The following CHODL variants were observed in gnomAD, a reference collection of about 807,000 sequenced individuals.
The protein encoded by CHODL is transmembrane protein MT75.
In CHODL, 29 loss-of-function variants were observed where a neutral mutation model predicts 34.5. The ratio of observed to expected loss-of-function variants is 0.84; its 90% CI spans 0.63 to 1.15. The LOEUF is 1.15. CHODL is among the 50% of genes most tolerant of loss of function. CHODL has a pLI of 0.00. For synonymous variants in CHODL, 125 were observed against 116.1 expected (o/e 1.08, Z -0.49); for missense variants, 332 against 332.5 (o/e 1.00, Z 0.01).
intron 1 of CHODL, among the ~76,000 whole-genome samples, chr21:17,926,118 AG>A (rs1383355317): frequency 2.0e-5 from 3 of 152,200 alleles, no homozygotes; most frequent in Non-Finnish European, 2.9e-5. Flanking sequence ...CAGTTCTCAA[AG>A]ATCAGGATGA....
At chr21:18,174,143 ATATATATAT>A (rs2073272317) in intron 2 of CHODL, among the ~76,000 whole-genome samples, 1 of 120,824 alleles carries the variant, frequency 8.3e-6, no homozygotes, top group African/African-American at 2.9e-5. Context: ...ATATATATAT[ATATATATAT>A]ATATATATAA....
chr21:18,016,525 C>G (rs947163710), intron 1 of CHODL, among the ~76,000 whole-genome samples: 3 of 152,156 alleles, frequency 2.0e-5, no homozygotes, highest in Non-Finnish European at 4.4e-5. Context: ...CCTTGCTACC[C>G]TACAAAGCCT....
chr21:17,980,719 T>G (rs2063707014), intron 1 of CHODL, among the ~76,000 whole-genome samples: 1 of 152,166 alleles, frequency 6.6e-6, no homozygotes, highest in Non-Finnish European at 1.5e-5. Flanking sequence ...AACTTACAGT[T>G]AAATACTTCT....
intron 2 of CHODL, among the ~76,000 whole-genome samples, chr21:18,224,827 T>G (rs1174777491): frequency 6.6e-6 from 1 of 152,118 alleles, no homozygotes; most frequent in Non-Finnish European, 1.5e-5. Flanking sequence ...GTTTTTTTTT[T>G]CCTTCAACTT....
chr21:18,084,559 T>A (rs2064980280), intron 2 of CHODL, among the ~76,000 whole-genome samples: 1 of 152,196 alleles, frequency 6.6e-6, no homozygotes, highest in African/African-American at 2.4e-5. Flanking sequence ...TTAATTTCTA[T>A]GTATTTGTAT....
At chr21:18,153,909 G>A (rs1039582401) in intron 2 of CHODL, among the ~76,000 whole-genome samples, 1 of 152,074 alleles carries the variant, frequency 6.6e-6, no homozygotes, top group East Asian at 1.9e-4. Flanking sequence ...TTCAGGTGGG[G>A]CAGTGCAGTG....
intron 1 of CHODL, among the ~76,000 whole-genome samples, chr21:17,930,290 C>T (rs112711045): frequency 6.6e-6 from 1 of 152,142 alleles, no homozygotes; most frequent in African/African-American, 2.4e-5. Context: ...CTTTTGAAAG[C>T]CTAGCCCTCA....
intron 4 of CHODL, 71 bp from the exon 5 acceptor site, chr21:18,262,720 A>T (rs947606035): frequency 2.3e-6 from 2 of 859,154 alleles, no homozygotes; most frequent in African/African-American, 3.4e-5. Flanking sequence ...TTTTTGAAAC[A>T]TTCTTACATA....
chr21:18,136,119 G>A (rs11909003), intron 2 of CHODL, among the ~76,000 whole-genome samples: 119,541 of 133,992 alleles, frequency 0.89, 53,401 homozygotes, highest in African/African-American at 0.92. Flanking sequence ...AAAAAAAAAA[G>A]AAAAAGAAAA....
At chr21:18,142,946 T>C (rs2146612650) in intron 2 of CHODL, among the ~76,000 whole-genome samples, 1 of 152,264 alleles carries the variant, frequency 6.6e-6, no homozygotes, top group South Asian at 2.1e-4. Flanking sequence ...AGCCCTAAGG[T>C]TTTAGAATCC....
chr21:18,096,064 C>G (rs2065136166), intron 2 of CHODL, among the ~76,000 whole-genome samples: 1 of 152,096 alleles, frequency 6.6e-6, no homozygotes, highest in Admixed American at 6.6e-5. Context: ...AATTAGTTCC[C>G]CAAATTAATA....
At chr21:18,211,770 C>T (rs139356934) in intron 2 of CHODL, among the ~76,000 whole-genome samples, 2 of 152,300 alleles carry the variant, frequency 1.3e-5, no homozygotes, top group East Asian at 3.9e-4. Context: ...CTGTATTAGA[C>T]AGAACCGACC....
intron 1 of CHODL, among the ~76,000 whole-genome samples, chr21:17,971,629 A>T (rs1408771059): frequency 6.6e-6 from 1 of 152,106 alleles, no homozygotes; most frequent in Admixed American, 6.5e-5. Flanking sequence ...GATTCTGGAT[A>T]TTAACAAGTT....
In CHODL at chr21:18,062,400, G is replaced by T. The variant is rs376936710; in HGVS notation, c.-45+34429G>T. 2.6e-5 allele frequency among the ~76,000 whole-genome samples: 4 copies of T among 152,094 alleles called. No homozygotes were observed. The East Asian group carries it at 7.8e-4, about 30-fold the overall frequency. Reference sequence around the variant, plus strand: ...ATTTTTTTATTTTTTGTAGAGATGGGGTGTCACAAGGTTGGCCACGCTGGT... The same window carrying T: ...ATTTTTTTATTTTTTGTAGAGATGGTGTGTCACAAGGTTGGCCACGCTGGT... On this transcript the variant is annotated intron_variant, in intron 2 of 6. Transcript: ENST00000400127.
rs577561166 is a variant in CHODL, at chr21:18,257,762, T to G, written c.547+635T>G. The stretch of plus-strand genomic sequence containing the variant: ...TGTCATATGCAGCAAATGGGAATCT[T>G]ACATTGACTTGAGCTATACTGGCAT... On this transcript the variant is annotated intron_variant, in intron 3 of 5. Transcript: ENST00000299295. 1.7e-4 allele frequency among the ~76,000 whole-genome samples: 26 copies of G among 152,332 alleles called. No individual in the cohort carries two copies. In the South Asian group the frequency reaches 3.1e-3, roughly 18 times the overall value.
At chr21:18,194,735 C>G (rs573148623) in intron 2 of CHODL, among the ~76,000 whole-genome samples, 43 of 152,088 alleles carry the variant, frequency 2.8e-4, no homozygotes, top group African/African-American at 9.9e-4. Context: ...ATATCTATCA[C>G]CTTACATACT....
chr21:18,105,296 C>G (rs990850827), intron 2 of CHODL, among the ~76,000 whole-genome samples: 1 of 152,140 alleles, frequency 6.6e-6, no homozygotes, highest in African/African-American at 2.4e-5. Flanking sequence ...GCATTCAGGA[C>G]CAGCTGTAGC....
chr21:18,200,124 A>AT (rs571111051), intron 2 of CHODL, among the ~76,000 whole-genome samples: 2,047 of 150,312 alleles, frequency 0.014, 13 homozygotes, highest in South Asian at 0.036. Context: ...TGATATTGTA[A>AT]TTTTTTTTTT....
chr21:18,199,685 C>T (rs1372498977), intron 2 of CHODL, among the ~76,000 whole-genome samples: 1 of 152,112 alleles, frequency 6.6e-6, no homozygotes, highest in Non-Finnish European at 1.5e-5. Flanking sequence ...TTGTCTATTA[C>T]ATAATGTCAT....
Sources: gnomAD v4.1 joint callset for allele counts (sites outside exome capture counted in the v4.1 genomes callset) on GRCh38, gnomAD v4.1.1 for gene constraint, MANE v1.5 for transcripts, NCBI Gene and HGNC (gene_info 2026-07-23, HGNC 2026-07-21) for gene names.